Variants in TMOD3 observed in about 807,000 individuals in gnomAD.
The protein encoded by TMOD3 is tropomodulin-3.
In TMOD3, 20 loss-of-function variants were observed where a neutral mutation model predicts 39.2. The observed-to-expected ratio is 0.51, with a 90% confidence interval of 0.36 to 0.74. The LOEUF (loss-of-function observed/expected upper bound fraction) is 0.74, where lower values mean the gene tolerates loss of function less well. TMOD3 is among the 30% of genes least tolerant of loss of function. TMOD3 has a pLI of 0.00. For missense variants in TMOD3, 381 were observed against 412.8 expected (o/e 0.92, Z 0.67); for synonymous variants, 143 against 145.8 (o/e 0.98, Z 0.14).
chr15:51,905,435 CGA>C (rs1700327759), intron 9 of TMOD3, among the ~76,000 whole-genome samples: 1 of 151,180 alleles, frequency 6.6e-6, no homozygotes, highest in African/African-American at 2.4e-5. Flanking sequence ...TGCAGTGAGC[CGA>C]GATTGCACCA....
intron 7 of TMOD3, among the ~76,000 whole-genome samples, chr15:51,898,831 CCTT>C (rs1375548384): frequency 6.6e-6 from 1 of 151,620 alleles, no homozygotes; most frequent in Non-Finnish European, 1.5e-5. Flanking sequence ...TCCTTCCTTC[CCTT>C]CTTCTCTCTT....
chr15:51,883,330 A>G (rs972681744), intron 3 of TMOD3, among the ~76,000 whole-genome samples: 14 of 152,206 alleles, frequency 9.2e-5, no homozygotes, highest in Non-Finnish European at 1.8e-4. Context: ...TTAGGTACGA[A>G]TAATGCCTTT....
At chr15:51,853,053 A>G (rs2056370202) in intron 1 of TMOD3, among the ~76,000 whole-genome samples, 1 of 152,222 alleles carries the variant, frequency 6.6e-6, no homozygotes, top group Non-Finnish European at 1.5e-5. Context: ...CCATACTCAT[A>G]AAAAAGACTT....
intron 1 of TMOD3, chr15:51,860,963 G>C (rs1595895861): frequency 3.9e-6 from 2 of 511,858 alleles, no homozygotes; most frequent in Non-Finnish European, 7.5e-6. Context: ...CTACATAGGA[G>C]AGCCAAAGTT....
At chr15:51,882,813 T>C (rs2056541643) in intron 3 of TMOD3, among the ~76,000 whole-genome samples, 2 of 151,174 alleles carry the variant, frequency 1.3e-5, no homozygotes, top group Non-Finnish European at 3.0e-5. Flanking sequence ...CTTGTCACTT[T>C]CTATAAAAAA....
chr15:51,831,337 G>C (rs1401662396), intron 1 of TMOD3, among the ~76,000 whole-genome samples: 3 of 152,072 alleles, frequency 2.0e-5, no homozygotes, highest in Non-Finnish European at 4.4e-5. Context: ...AAGATTTTTC[G>C]TGTCTTAATT....
At position 51,896,542 on chromosome 15, in the gene TMOD3, G is replaced by A. The variant is rs780252685; in HGVS notation, c.735+16G>A. ...TGTTGCTACTGTAAGTAAGCGACTT[G>A]AGAATATCAAAATTATGACATGCCC... On this transcript the variant is annotated intron_variant, in intron 7 of 9. Transcript: ENST00000308580. The A allele has an allele frequency of 8.3e-5, 132 of 1,585,912 alleles. No individual in the cohort carries two copies. The highest frequency in any genetic ancestry group is 1.1e-4 in the Non-Finnish European group (128 of 1,157,304).
At chr15:51,860,150 C>A in intron 1 of TMOD3, 1 of 472,036 alleles carries the variant, frequency 2.1e-6, no homozygotes, top group African/African-American at 2.0e-5. Flanking sequence ...CTAATTGTCA[C>A]CTTGCCGCAT....
rs2593177 is a variant in TMOD3 at position 51,914,484 on chromosome 15, T to C, written c.*5674T>C. The C allele has an allele frequency of 0.42, 64,167 of 151,522 alleles. 13,770 individuals are homozygous for C. The highest frequency in any genetic ancestry group is 0.51 in the Admixed American group (7,795 of 15,212). 9.4% of individuals were successfully genotyped at this position (151,522 alleles called of 1,614,324 possible). ...TACGAGACCAGTCTGGCCAACATGG[T>C]GAAACCCCATCTCTACTAAAAATAC... On this transcript the variant is annotated 3_prime_UTR_variant, in exon 10 of 10. Coordinates refer to ENST00000308580, the MANE Select transcript of TMOD3 (RefSeq NM_014547.5).
In TMOD3 at chr15:51,845,330, CTA is replaced by C. The variant is rs561806670; in HGVS notation, c.-75+15498_-75+15499del. On this transcript the variant is annotated intron_variant, in intron 1 of 9. Transcript: ENST00000308580. Reference sequence around the variant, plus strand: ...GAAGAGCCACCTGTCAGAACCAGGACTATATTTTAGCTATTCTTCATCTAGCC... The same window carrying C: ...GAAGAGCCACCTGTCAGAACCAGGACTATTTTAGCTATTCTTCATCTAGCC... Among the ~76,000 whole-genome samples, 293 of 152,272 alleles carry C rather than the reference CTA, an allele frequency of 1.9e-3. 2 individuals carry two copies. Among genetic ancestry groups the C allele is most frequent in the African/African-American group, 6.7e-3 (280 of 41,556 alleles).
At chr15:51,830,355 C>T (rs1454122178) in intron 1 of TMOD3, among the ~76,000 whole-genome samples, 4 of 152,184 alleles carry the variant, frequency 2.6e-5, no homozygotes, top group Non-Finnish European at 4.4e-5. Flanking sequence ...GAATTAAGTT[C>T]CTAGCTCCCA....
intron 1 of TMOD3, chr15:51,860,182 C>G (rs1237639131): frequency 1.3e-5 from 6 of 471,980 alleles, no homozygotes; most frequent in Non-Finnish European, 1.7e-5. Context: ...AGAAGATCAT[C>G]TGTGTGTAGA....
At chr15:51,881,578 T>G (rs1235245671) in intron 3 of TMOD3, among the ~76,000 whole-genome samples, 1 of 136,752 alleles carries the variant, frequency 7.3e-6, no homozygotes, top group Non-Finnish European at 1.6e-5. Context: ...TTTTTTTTTT[T>G]GAGACAGAGT....
chr15:51,897,482 A>AT (rs1167476019), intron 7 of TMOD3, among the ~76,000 whole-genome samples: 40,632 of 113,154 alleles, frequency 0.36, 7,972 homozygotes, highest in Non-Finnish European at 0.39. Flanking sequence ...AAAAAAAAAA[A>AT]TTTTTTTTTT....
At chr15:51,851,059 GC>G (rs1181774375) in intron 1 of TMOD3, among the ~76,000 whole-genome samples, 1 of 152,180 alleles carries the variant, frequency 6.6e-6, no homozygotes, top group Non-Finnish European at 1.5e-5. Context: ...GTGGGGTTTT[GC>G]CAGAGGAGTT....
chr15:51,849,875 AGTCAGCCGAGATCACACCACTGCAT>A (rs2056352522), intron 1 of TMOD3, among the ~76,000 whole-genome samples: 1 of 151,400 alleles, frequency 6.6e-6, no homozygotes, highest in Non-Finnish European at 1.5e-5. Flanking sequence ...TGGAGGTTGC[AGTCAGCCGAGATCACACCACTGCAT>A]GTCAGCCTGG....
At chr15:51,864,684 T>G (rs929461664) in intron 2 of TMOD3, among the ~76,000 whole-genome samples, 17 of 152,080 alleles carry the variant, frequency 1.1e-4, no homozygotes, top group African/African-American at 3.9e-4. Context: ...GATAGGCAAG[T>G]TTGAACAAGT....
Position 51,911,628 on chromosome 15 carries a change from A to G in TMOD3, c.*2818A>G, listed in dbSNP as rs968173696. ...GTCTAACCAGCTTATGTGGTTATTT[A>G]AAAGAATATTCTTTGTGTTTTTAAA... On this transcript the variant is annotated 3_prime_UTR_variant, in exon 10 of 10. Coordinates refer to ENST00000308580, the MANE Select transcript of TMOD3 (RefSeq NM_014547.5). 1 of 152,210 alleles carries G rather than the reference A, an allele frequency of 6.6e-6. No homozygotes were observed. Among genetic ancestry groups the G allele is most frequent in the African/African-American group, 2.4e-5 (1 of 41,466 alleles). 9.4% of individuals were successfully genotyped at this position (152,210 alleles called of 1,614,324 possible).
At position 51,913,556 on chromosome 15, in the gene TMOD3, T is replaced by TA. The variant is rs1013389708; in HGVS notation, c.*4752dup. On this transcript the variant is annotated 3_prime_UTR_variant, in exon 10 of 10. Coordinates refer to ENST00000308580, the MANE Select transcript of TMOD3 (RefSeq NM_014547.5). The stretch of plus-strand genomic sequence containing the variant: ...ATTCAGTTCTATAAGTTCTTCCCTA[T>TA]AAAAAATGAATGAATTAGAAATTTG... The TA allele has an allele frequency of 6.6e-6, 1 of 152,190 alleles. No individual in the cohort carries two copies. 9.4% of individuals were successfully genotyped at this position (152,190 alleles called of 1,614,324 possible).
Sources: gnomAD v4.1 joint callset for allele counts (sites outside exome capture counted in the v4.1 genomes callset) on GRCh38, gnomAD v4.1.1 for gene constraint, MANE v1.5 for transcripts, NCBI Gene and HGNC (gene_info 2026-07-23, HGNC 2026-07-21) for gene names.